Variants in TMCO2 observed in about 807,000 individuals in gnomAD.
TMCO2 encodes the protein transmembrane and coiled-coil domain-containing protein 2.
A neutral mutation model predicts 18.0 loss-of-function variants in TMCO2; 15 were observed. The ratio of observed to expected loss-of-function variants is 0.84; its 90% CI spans 0.56 to 1.29. The LOEUF (loss-of-function observed/expected upper bound fraction) is 1.29, where lower values mean the gene tolerates loss of function less well. Ranked by LOEUF, TMCO2 falls within the 50% of genes most tolerant of loss-of-function variation. The pLI, the probability that TMCO2 is intolerant of heterozygous loss-of-function variation, is 0.00. For missense variants in TMCO2, 182 were observed against 200.9 expected, an observed-to-expected ratio of 0.91 and a Z score of 0.57; for synonymous variants, 79 against 75.9, an observed-to-expected ratio of 1.04 and a Z score of -0.21.
Position 40,249,255 on chromosome 1 carries a change from ATGTGTGTG to A in TMCO2, c.237+1065_237+1072del, listed in dbSNP as rs3075101. ...CAACTGACCTAAATCTTGAACAGGA[ATGTGTGTG>A]TGTGTGTGTGTGTGTGTGTGTGTGT... On this transcript the variant is annotated intron_variant, in intron 1 of 1. Transcript: ENST00000372766. Among the ~76,000 whole-genome samples, 653 of 139,910 alleles carry A rather than the reference ATGTGTGTG, an allele frequency of 4.7e-3. 4 individuals carry two copies. The highest frequency in any genetic ancestry group is 8.2e-3 in the African/African-American group (311 of 37,924). The allele number at this position is 139,910 out of a possible 152,430, so 91.8% of individuals were successfully genotyped here.
chr1:40,249,990 TTTTTTA>T (rs1254446938), intron 1 of TMCO2, among the ~76,000 whole-genome samples: 2 of 137,148 alleles, frequency 1.5e-5, no homozygotes, highest in African/African-American at 7.1e-5. Flanking sequence ...TTTATTTTTA[TTTTTTA>T]TTTTTTTTTT....
rs763459410 is a variant in TMCO2 at position 40,251,301 on chromosome 1, A to C, written c.256A>C (p.Ile86Leu). 2.5e-6 allele frequency: 4 copies of C among 1,611,200 alleles called. No homozygotes were observed. Among genetic ancestry groups the C allele is most frequent in the Admixed American group, 3.4e-5 (2 of 59,294 alleles). ...QSIQKTLLFV[I>L]TLYKLYKKGS... Reference sequence around the variant, plus strand: ...ATTTTAGAAAACATTGTTGTTTGTAATCACACTCTACAAACTTTACAAGAA... The same window carrying C: ...ATTTTAGAAAACATTGTTGTTTGTACTCACACTCTACAAACTTTACAAGAA... Residue 86 changes from isoleucine to leucine, a missense_variant, in exon 2 of 2, where the codon ATC becomes CTC. By Grantham distance (5) the Ile-to-Leu change is conservative. Coordinates refer to ENST00000372766, the MANE Select transcript of TMCO2 (RefSeq NM_001008740.4).
chr1:40,249,038 T>C (rs1167841339), intron 1 of TMCO2, among the ~76,000 whole-genome samples: 1 of 152,180 alleles, frequency 6.6e-6, no homozygotes, highest in East Asian at 1.9e-4. Flanking sequence ...TCACGGGGCC[T>C]TTCTATTTTA....
chr1:40,248,907 G>C (rs183514871), intron 1 of TMCO2, among the ~76,000 whole-genome samples: 76 of 152,300 alleles, frequency 5.0e-4, no homozygotes, highest in African/African-American at 1.8e-3. Flanking sequence ...AAGGTGACAG[G>C]CTTTTAAAAC....
Position 40,248,020 on chromosome 1 carries a change from G to A in TMCO2, c.27G>A (p.Trp9Ter), listed in dbSNP as rs1157852477. MSTSSSSS[W>*]DNLLESLSLS... ...TGTCAACATCTTCATCTTCTAGCTG[G>A]GACAACCTCTTAGAGTCTCTCTCTC... Residue 9 changes from tryptophan (W) to a stop codon, truncating the protein, a stop_gained, in exon 1 of 2, where the codon TGG becomes TGA. Transcript: ENST00000372766. LOFTEE classifies it high-confidence loss of function. The A allele has an allele frequency of 5.0e-6, 8 of 1,614,096 alleles. No individual in the cohort carries two copies. The highest frequency in any genetic ancestry group is 8.5e-7 in the Non-Finnish European group (1 of 1,179,992).
intron 1 of TMCO2, among the ~76,000 whole-genome samples, chr1:40,248,582 G>C (rs1643356656): frequency 6.6e-6 from 1 of 152,084 alleles, no homozygotes; most frequent in Non-Finnish European, 1.5e-5. Context: ...CATGAGTATG[G>C]CCTTTCTTAC....
At chr1:40,249,694 A>T (rs1197429872) in intron 1 of TMCO2, among the ~76,000 whole-genome samples, 2 of 151,850 alleles carry the variant, frequency 1.3e-5, no homozygotes, top group Non-Finnish European at 2.9e-5. Flanking sequence ...TTATTTTGAG[A>T]TGAAGTCTTG....
chr1:40,250,994 G>A (rs768779619), intron 1 of TMCO2, among the ~76,000 whole-genome samples: 6 of 151,982 alleles, frequency 3.9e-5, no homozygotes, highest in African/African-American at 9.7e-5. Flanking sequence ...AAAATTAGCC[G>A]GGCGTGGTGG....
rs1351905956 is a variant in TMCO2, at chr1:40,248,230, G to T, written c.237G>T (p.Gln79His). 6.2e-7 allele frequency: 1 copy of T among 1,604,096 alleles called. No individual in the cohort carries two copies. The highest frequency in any genetic ancestry group is 1.1e-5 in the South Asian group (1 of 90,686). ...ALWKRSIQSI[Q>H]KTLLFVITLY... Reference sequence around the variant, plus strand: ...GGAAACGAAGTATTCAGTCAATTCAGGTTATACTCTTTTGTTACAAACATT... The same window carrying T: ...GGAAACGAAGTATTCAGTCAATTCATGTTATACTCTTTTGTTACAAACATT... Residue 79 changes from glutamine to histidine, a missense_variant and splice_region_variant, in exon 1 of 2, where the codon CAG becomes CAT. Transcript: ENST00000372766.
In TMCO2 at chr1:40,251,373, G is replaced by T; in HGVS notation, c.328G>T (p.Gly110Cys). 2.5e-6 allele frequency: 4 copies of T among 1,614,070 alleles called. No homozygotes were observed. Among genetic ancestry groups the T allele is most frequent in the Non-Finnish European group, 3.4e-6 (4 of 1,180,004 alleles). The change falls in exon 2 of 2, where the codon GGT becomes TGT. Residue 110 changes from glycine to cysteine, a missense_variant. By Grantham distance (159) the Gly-to-Cys change is radical. Coordinates refer to ENST00000372766, the MANE Select transcript of TMCO2 (RefSeq NM_001008740.4). ...EALLANPEGS[G>C]LRIQDNNNLF... ...TTTGCTAGCCAACCCAGAAGGAAGTGGTCTCCGAATTCAAGACAATAATAA... is the reference window on the plus strand; with the variant it reads ...TTTGCTAGCCAACCCAGAAGGAAGTTGTCTCCGAATTCAAGACAATAATAA...
chr1:40,250,628 A>C (rs1298834067), intron 1 of TMCO2, among the ~76,000 whole-genome samples: 1 of 152,186 alleles, frequency 6.6e-6, no homozygotes, highest in East Asian at 1.9e-4. Context: ...CCAATATATA[A>C]CCTTGGACAA....
Position 40,247,944 on chromosome 1 carries a change from G to A in TMCO2, c.-50G>A, listed in dbSNP as rs749837757. ...GACTACTCCCCCTAACTCATATTTA[G>A]ATTCCTGAAGCTTCTGCACATGTAG... On this transcript the variant is annotated 5_prime_UTR_variant, in exon 1 of 2. Coordinates refer to ENST00000372766, the MANE Select transcript of TMCO2 (RefSeq NM_001008740.4). 5.5e-6 allele frequency: 8 copies of A among 1,450,702 alleles called. No individual in the cohort carries two copies. The highest frequency in any genetic ancestry group is 2.8e-5 in the African/African-American group (2 of 71,380). The allele number at this position is 1,450,702 out of a possible 1,614,324, so 89.9% of individuals were successfully genotyped here. A position where few individuals can be genotyped will look rare whatever the true frequency, so the allele number is the denominator to read the frequency against.
At position 40,248,130 on chromosome 1, in the gene TMCO2, A is replaced by G. The variant is rs747958892; in HGVS notation, c.137A>G (p.Asn46Ser). Residue 46 changes from asparagine to serine, a missense_variant, in exon 1 of 2, where the codon AAT (asparagine) becomes AGT (serine). Physicochemically the swap from Asn to Ser is conservative, Grantham distance 46. Coordinates refer to ENST00000372766, the MANE Select transcript of TMCO2 (RefSeq NM_001008740.4). ...CAAACAAGTTTGGGACTATTAGATA[A>G]TCTTGCTCCAGCTGTGCAAATCATC... is the stretch of plus-strand genomic sequence containing the variant. ...PQQTSLGLLD[N>S]LAPAVQIILR... The G allele has an allele frequency of 2.5e-6, 4 of 1,614,078 alleles. No individual in the cohort carries two copies. The African/African-American group carries it at 5.3e-5, about 22-fold the overall frequency.
chr1:40,249,066 A>G (rs767653889), intron 1 of TMCO2, among the ~76,000 whole-genome samples: 109 of 152,336 alleles, frequency 7.2e-4, no homozygotes, highest in Non-Finnish European at 1.4e-3. Context: ...ACAATCCTGC[A>G]TAACAGTCAG....
At chr1:40,249,417 A>G (rs1643363514) in intron 1 of TMCO2, among the ~76,000 whole-genome samples, 1 of 151,896 alleles carries the variant, frequency 6.6e-6, no homozygotes, top group Non-Finnish European at 1.5e-5. Context: ...CTCTACTTAA[A>G]ATACAAAAAT....
intron 1 of TMCO2, among the ~76,000 whole-genome samples, chr1:40,248,456 A>G (rs1281562636): frequency 6.6e-6 from 1 of 152,232 alleles, no homozygotes; most frequent in Non-Finnish European, 1.5e-5. Context: ...CTGTAATAAA[A>G]TAGACCAAAC....
chr1:40,251,198 G>T (rs1483553750), intron 1 of TMCO2, 85 bp from the exon 2 acceptor site: 11 of 1,080,896 alleles, frequency 1.0e-5, no homozygotes, highest in Non-Finnish European at 1.3e-5. Context: ...AGGAATTATT[G>T]TTACTATTAG....
Position 40,251,547 on chromosome 1 carries a change from G to A in TMCO2, c.502G>A (p.Asp168Asn), listed in dbSNP as rs1430815116. The A allele has an allele frequency of 1.9e-6, 3 of 1,612,620 alleles. No individual in the cohort carries two copies. The highest frequency in any genetic ancestry group is 1.7e-4 in the Middle Eastern group (1 of 6,060). Residue 168 changes from aspartate to asparagine, a missense_variant, in exon 2 of 2, where the codon GAC becomes AAC. Coordinates refer to ENST00000372766, the MANE Select transcript of TMCO2 (RefSeq NM_001008740.4). ...CSSEPYCSCS[D>N]CQSPLSTSGF... Reference sequence around the variant, plus strand: ...CTCTGAGCCCTACTGCAGCTGCTCTGACTGCCAGAGTCCCTTGTCCACATC... The same window carrying A: ...CTCTGAGCCCTACTGCAGCTGCTCTAACTGCCAGAGTCCCTTGTCCACATC...
chr1:40,250,624 T>C (rs572016607), intron 1 of TMCO2, among the ~76,000 whole-genome samples: 34 of 152,324 alleles, frequency 2.2e-4, no homozygotes, highest in African/African-American at 7.9e-4. Context: ...ACTTCCAATA[T>C]ATAACCTTGG....
Sources: gnomAD v4.1 joint callset for allele counts (sites outside exome capture counted in the v4.1 genomes callset) on GRCh38, gnomAD v4.1.1 for gene constraint, MANE v1.5 for transcripts, NCBI Gene and HGNC (gene_info 2026-07-23, HGNC 2026-07-21) for gene names.